The following RBM41 variants were observed in gnomAD, a reference collection of about 807,000 sequenced individuals.
RBM41 encodes RNA-binding protein 41.
In RBM41, 14 loss-of-function variants were observed where a neutral mutation model predicts 30.8. The observed-to-expected ratio is 0.45, with a 90% CI of 0.30 to 0.71. The LOEUF is 0.71. RBM41 is among the 30% of genes least tolerant of loss of function. The probability of loss-of-function intolerance (pLI) is 0.08; values close to 1 mark genes in which losing one functional copy is unlikely to be tolerated. For missense variants in RBM41, 276 were observed against 326.3 expected, an observed-to-expected ratio of 0.85 and a Z score of 1.19; for synonymous variants, 120 against 110.1, an observed-to-expected ratio of 1.09 and a Z score of -0.56.
intron 5 of RBM41, among the ~76,000 whole-genome samples, chrX:107,090,392 A>T (rs1922428682): frequency 9.0e-6 from 1 of 111,721 alleles, no homozygotes; most frequent in South Asian, 3.7e-4. Flanking sequence ...AAAAATGTCC[A>T]ATGGTGACCA....
intron 5 of RBM41, among the ~76,000 whole-genome samples, chrX:107,094,920 ATT>A (rs1397858434): frequency 9.0e-6 from 1 of 111,248 alleles, no homozygotes; most frequent in Non-Finnish European, 1.9e-5. Flanking sequence ...AGAAATTTAT[ATT>A]GTTTAAGCCA....
intron 5 of RBM41, chrX:107,112,750 C>T (rs1250193459): frequency 1.8e-5 from 5 of 279,779 alleles, no homozygotes; most frequent in Non-Finnish European, 3.4e-5. Flanking sequence ...GTCTCAAAGG[C>T]ATTATGCTGA....
At chrX:107,075,692 C>T (rs1048602347) in intron 6 of RBM41, among the ~76,000 whole-genome samples, 2 of 111,333 alleles carry the variant, frequency 1.8e-5, no homozygotes, top group African/African-American at 6.5e-5. Flanking sequence ...ATACCACATA[C>T]CTGTTACAAT....
chrX:107,078,134 T>C (rs916970783), intron 6 of RBM41, among the ~76,000 whole-genome samples: 24 of 111,875 alleles, frequency 2.1e-4, no homozygotes, highest in African/African-American at 7.5e-4. Context: ...GATCACATAA[T>C]GTTAAGCATA....
At chrX:107,072,908 A>G (rs906309018) in intron 6 of RBM41, among the ~76,000 whole-genome samples, 16 of 111,279 alleles carry the variant, frequency 1.4e-4, no homozygotes, top group African/African-American at 5.2e-4. Context: ...AGTCTCGTCA[A>G]TAAGTGGTGC....
intron 2 of RBM41, chrX:107,116,306 G>A (rs1924876265): frequency 4.5e-6 from 4 of 882,854 alleles, no homozygotes; most frequent in Non-Finnish European, 5.7e-6. Flanking sequence ...AGGTACTAAG[G>A]ATTTAATAGC....
At chrX:107,111,299 G>C (rs1042745766) in intron 5 of RBM41, among the ~76,000 whole-genome samples, 1 of 111,192 alleles carries the variant, frequency 9.0e-6, no homozygotes, top group Non-Finnish European at 1.9e-5. Context: ...ATGCTCAACA[G>C]CACTAATCAT....
At chrX:107,069,491 G>C in intron 6 of RBM41, 89 bp from the exon 7 acceptor site, 1 of 1,025,319 alleles carries the variant, frequency 9.8e-7, no homozygotes, top group Admixed American at 3.0e-5. Flanking sequence ...GTCTCACTCT[G>C]TCACCCAGGC....
At chrX:107,086,962 A>C (rs973358727) in intron 6 of RBM41, among the ~76,000 whole-genome samples, 10 of 112,089 alleles carry the variant, frequency 8.9e-5, no homozygotes, top group Non-Finnish European at 1.9e-4. Flanking sequence ...TATGTCATCT[A>C]TATAGTTTTA....
At chrX:107,082,702 A>G (rs1352230836) in intron 6 of RBM41, among the ~76,000 whole-genome samples, 1 of 110,809 alleles carries the variant, frequency 9.0e-6, no homozygotes, top group African/African-American at 3.3e-5. Flanking sequence ...TTTTTTAGTA[A>G]TTGCCTTAGA....
chrX:107,068,337 A>G (rs1413563930), intron 7 of RBM41, among the ~76,000 whole-genome samples: 1 of 111,479 alleles, frequency 9.0e-6, no homozygotes, highest in Non-Finnish European at 1.9e-5. Context: ...TTTCATATAT[A>G]TAAGTACTAC....
intron 5 of RBM41, among the ~76,000 whole-genome samples, chrX:107,105,770 C>T (rs774229573): frequency 9.1e-4 from 101 of 111,493 alleles, no homozygotes; most frequent in South Asian, 6.0e-3. Flanking sequence ...AATGGGGAAA[C>T]GATTCCCTAT....
the RBM41 span, among the ~76,000 whole-genome samples, chrX:107,054,690 G>A: frequency 2.7e-5 from 3 of 111,921 alleles, no homozygotes; most frequent in East Asian, 2.8e-4. Context: ...GGCTGGATAC[G>A]TTCTTCACTG....
At chrX:107,083,192 T>A (rs1341038169) in intron 6 of RBM41, among the ~76,000 whole-genome samples, 3 of 109,582 alleles carry the variant, frequency 2.7e-5, no homozygotes, top group African/African-American at 1.0e-4. Flanking sequence ...TTTTGCTGGA[T>A]AAATTATTCT....
chrX:107,112,810 A>G (rs375207779), intron 5 of RBM41: 34 of 324,163 alleles, frequency 1.0e-4, no homozygotes, highest in African/African-American at 5.6e-4. Flanking sequence ...TTCCATTTAC[A>G]TGACATTTTC....
At chrX:107,117,923 C>T (rs910727362) in intron 1 of RBM41, among the ~76,000 whole-genome samples, 1 of 110,947 alleles carries the variant, frequency 9.0e-6, no homozygotes, top group Non-Finnish European at 1.9e-5. Context: ...TACATTATTT[C>T]GCATGGAGGA....
intron 2 of RBM41, chrX:107,116,290 T>G: frequency 1.1e-6 from 1 of 909,826 alleles, no homozygotes. Context: ...CATCAGATAC[T>G]CTGCTAGGTA....
intron 5 of RBM41, among the ~76,000 whole-genome samples, chrX:107,101,592 C>T (rs1324724287): frequency 1.8e-5 from 2 of 111,750 alleles, no homozygotes; most frequent in Non-Finnish European, 3.8e-5. Context: ...TGCCAGCAAA[C>T]ACCAGAAGCT....
In RBM41 at chrX:107,064,556, T is replaced by C. The variant is rs1223482076; in HGVS notation, c.*2971A>G. Reference sequence around the variant, plus strand: ...GAGCTACTGCACCCAGCCAGTCACTTACAAGTGTGTCTGATTTCCACATAT... The same window carrying C: ...GAGCTACTGCACCCAGCCAGTCACTCACAAGTGTGTCTGATTTCCACATAT... On this transcript the variant is annotated 3_prime_UTR_variant, in exon 8 of 8. Coordinates refer to ENST00000685964, the MANE Select transcript of RBM41 (RefSeq NM_001324242.2). 5 of 111,337 alleles carry C rather than the reference T, an allele frequency of 4.5e-5. No individual in the cohort carries two copies. Among genetic ancestry groups the C allele is most frequent in the Non-Finnish European group, 9.4e-5 (5 of 53,094 alleles). The allele number at this position is 111,337 out of a possible 1,213,427, so 9.2% of individuals were successfully genotyped here.
Sources: gnomAD v4.1 joint callset for allele counts (sites outside exome capture counted in the v4.1 genomes callset) on GRCh38, gnomAD v4.1.1 for gene constraint, MANE v1.5 for transcripts, NCBI Gene and HGNC (gene_info 2026-07-23, HGNC 2026-07-21) for gene names.